The following ABCB4 variants were observed in gnomAD, a reference collection of about 807,000 sequenced individuals.
The protein encoded by ABCB4 is ATP binding cassette subfamily B member 4.
In ABCB4, 76 loss-of-function variants were observed where a neutral mutation model predicts 145.7. The observed-to-expected ratio is 0.52, with a 90% CI of 0.43 to 0.63. The LOEUF is 0.63. ABCB4 is among the 30% of genes least tolerant of loss of function. The pLI, the probability that ABCB4 is intolerant of heterozygous loss-of-function variation, is 0.00. For synonymous variants in ABCB4, 517 were observed against 566.8 expected, an observed-to-expected ratio of 0.91 and a Z score of 1.25; for missense variants, 1,234 against 1,553.1, an observed-to-expected ratio of 0.79 and a Z score of 3.45.
At chr7:87,377,824 AC>A in the ABCB4 span, among the ~76,000 whole-genome samples, 2 of 152,134 alleles carry the variant, frequency 1.3e-5, no homozygotes, top group African/African-American at 4.8e-5. Flanking sequence ...TTCAAGATTC[AC>A]CTAGTAACTA....
At chr7:87,419,805 A>AC (rs1170680380) in intron 19 of ABCB4, among the ~76,000 whole-genome samples, 193 bp downstream of exon 19, 1 of 151,078 alleles carries the variant, frequency 6.6e-6, no homozygotes, top group African/African-American at 2.4e-5. Context: ...AACAAAAACA[A>AC]AAAAAAAACA....
chr7:87,445,359 A>G (rs968192921), intron 9 of ABCB4, among the ~76,000 whole-genome samples: 3 of 152,196 alleles, frequency 2.0e-5, no homozygotes, highest in Non-Finnish European at 4.4e-5. Context: ...TTTTGGCCCT[A>G]TGTAATGCTC....
intron 3 of ABCB4, among the ~76,000 whole-genome samples, chr7:87,466,960 G>C (rs1261227479): frequency 6.6e-6 from 1 of 152,130 alleles, no homozygotes; most frequent in Non-Finnish European, 1.5e-5. Context: ...AAATTGTAAA[G>C]ACCATCAAGG....
In ABCB4 at chr7:87,450,039, G is replaced by A. The variant is rs747537137; in HGVS notation, c.762C>T (p.Ala254=). The A allele has an allele frequency of 4.3e-6, 7 of 1,614,022 alleles. No individual in the cohort carries two copies. In the African/African-American group the frequency reaches 5.3e-5, roughly 12 times the overall value. The change falls in exon 8 of 28, where the codon GCC becomes GCT. Residue 254 remains alanine (A), a synonymous_variant. Transcript: ENST00000649586. Reference sequence around the variant, plus strand: ...TGGCCCCCAGAGCCTCTTCTGCCACGGCGCCTGCTTTTGCATAAGCAGCTA... The same window carrying A: ...TGGCCCCCAGAGCCTCTTCTGCCACAGCGCCTGCTTTTGCATAAGCAGCTA... ...KELAAYAKAG[A]VAEEALGAIR... is the part of the protein sequence containing the mutation.
the ABCB4 span, among the ~76,000 whole-genome samples, chr7:87,380,200 A>G: frequency 6.6e-6 from 1 of 152,278 alleles, no homozygotes; most frequent in African/African-American, 2.4e-5. Context: ...CATAATTTTA[A>G]TTGTTTGAAT....
At chr7:87,461,311 T>G (rs1323028104) in intron 4 of ABCB4, among the ~76,000 whole-genome samples, 1 of 152,252 alleles carries the variant, frequency 6.6e-6, no homozygotes, top group African/African-American at 2.4e-5. Flanking sequence ...TGTTAAAGTT[T>G]TGGTCACTAG....
At chr7:87,408,925 T>C (rs1305499792) in intron 24 of ABCB4, among the ~76,000 whole-genome samples, 1 of 152,206 alleles carries the variant, frequency 6.6e-6, no homozygotes, top group Admixed American at 6.5e-5. Context: ...AAATTACTAA[T>C]TGCATTAACA....
intron 3 of ABCB4, among the ~76,000 whole-genome samples, chr7:87,467,789 A>G (rs539702002): frequency 3.9e-5 from 6 of 152,350 alleles, no homozygotes; most frequent in Non-Finnish European, 8.8e-5. Context: ...CTGCTCCTGA[A>G]CGACTACTGG....
chr7:87,413,794 G>GGA (rs1394781696), intron 21 of ABCB4, 77 bp from the exon 22 acceptor site: 11 of 987,794 alleles, frequency 1.1e-5, no homozygotes, highest in Non-Finnish European at 1.8e-5. Flanking sequence ...CTAGGGCTCT[G>GGA]TCAAAAGTAT....
intron 12 of ABCB4, among the ~76,000 whole-genome samples, chr7:87,442,045 T>C (rs1333322948): frequency 6.6e-6 from 1 of 152,242 alleles, no homozygotes. Context: ...TAACAGTGAA[T>C]ATCTCTGAGT....
rs1245086629 is a variant in ABCB4, at chr7:87,440,305, G to T, written c.1454C>A (p.Thr485Lys). 6.2e-7 allele frequency: 1 copy of T among 1,613,974 alleles called. No individual in the cohort carries two copies. Among genetic ancestry groups the T allele is most frequent in the Non-Finnish European group, 8.5e-7 (1 of 1,180,006 alleles). The change falls in exon 13 of 28, where the codon ACA becomes AAA. Residue 485 changes from threonine to lysine, a missense_variant. Coordinates refer to ENST00000649586, the MANE Select transcript of ABCB4 (RefSeq NM_000443.4). ...VSQEPVLFST[T>K]IAENICYGRG... ...GCCATAACAAATATTTTCAGCAATT[G>T]TGGTGGAAAACAGCACCGGCTCCTG...
the ABCB4 span, among the ~76,000 whole-genome samples, chr7:87,378,346 C>CAAAAAA: frequency 7.5e-6 from 1 of 132,886 alleles, no homozygotes; most frequent in Non-Finnish European, 1.6e-5. Context: ...ACTCCGACTC[C>CAAAAAA]AAAAAAAAAA....
chr7:87,452,259 A>G (rs2116808240), intron 6 of ABCB4: 1 of 239,058 alleles, frequency 4.2e-6, no homozygotes, highest in Non-Finnish European at 8.2e-6. Flanking sequence ...TGAAAATGCA[A>G]GTCTGACCAT....
At chr7:87,451,853 T>A in intron 6 of ABCB4, 59 bp from the exon 7 acceptor site, 1 of 1,531,078 alleles carries the variant, frequency 6.5e-7, no homozygotes, top group South Asian at 1.1e-5. Flanking sequence ...AAAGATGAAG[T>A]AGACATCCAA....
the ABCB4 span, chr7:87,375,379 A>G: frequency 2.5e-6 from 1 of 407,444 alleles, no homozygotes; most frequent in South Asian, 3.1e-5. Context: ...AGTATATATC[A>G]GCGAAACTAA....
chr7:87,455,349 G>C (rs1265725198), intron 4 of ABCB4, among the ~76,000 whole-genome samples: 1 of 152,166 alleles, frequency 6.6e-6, no homozygotes, highest in Non-Finnish European at 1.5e-5. Flanking sequence ...TTTAATAATA[G>C]CTAATGTTTA....
chr7:87,371,087 G>T, the ABCB4 span, among the ~76,000 whole-genome samples: 1 of 152,126 alleles, frequency 6.6e-6, no homozygotes, highest in Non-Finnish European at 1.5e-5. Flanking sequence ...ATGAACTCCA[G>T]TTTATTAATC....
At chr7:87,380,612 TA>T in the ABCB4 span, among the ~76,000 whole-genome samples, 5 of 152,168 alleles carry the variant, frequency 3.3e-5, no homozygotes, top group Non-Finnish European at 5.9e-5. Flanking sequence ...AAATGAAAGG[TA>T]AAAATTATGT....
intron 26 of ABCB4, 190 bp from the exon 27 acceptor site, chr7:87,403,471 CTA>C: frequency 1.7e-6 from 1 of 588,848 alleles, no homozygotes; most frequent in East Asian, 2.9e-5. Context: ...CTACAATAGG[CTA>C]TCTTATAATT....
Sources: allele counts gnomAD v4.1 joint callset (sites outside exome capture counted in the v4.1 genomes callset), GRCh38; gene constraint gnomAD v4.1.1; transcripts MANE v1.5; gene names NCBI Gene and HGNC (gene_info 2026-07-23, HGNC 2026-07-21).